Variants in SPIDR observed in about 807,000 individuals in gnomAD.
SPIDR encodes the protein scaffold protein involved in DNA repair.
In SPIDR, 93 loss-of-function variants were observed where a neutral mutation model predicts 104.6. That is an observed-to-expected ratio of 0.89 (90% CI 0.75 to 1.06). The LOEUF (loss-of-function observed/expected upper bound fraction) is 1.06. Among genes scored for constraint, SPIDR ranks in the 50% least tolerant of loss-of-function variants. The probability of loss-of-function intolerance (pLI) is 0.00; values close to 1 mark genes in which losing one functional copy is unlikely to be tolerated. For synonymous variants in SPIDR, 431 were observed against 416.9 expected, an observed-to-expected ratio of 1.03 and a Z score of -0.41; for missense variants, 1,154 against 1,111.2, an observed-to-expected ratio of 1.04 and a Z score of -0.55.
intron 7 of SPIDR, among the ~76,000 whole-genome samples, chr8:47,427,510 C>T (rs1012975990): frequency 1.3e-4 from 20 of 152,050 alleles, no homozygotes; most frequent in African/African-American, 4.1e-4. Flanking sequence ...GGTAGTTTTC[C>T]AGAATGAGGA....
intron 8 of SPIDR, among the ~76,000 whole-genome samples, chr8:47,448,121 A>G (rs1427417443): frequency 6.6e-6 from 1 of 152,132 alleles, no homozygotes; most frequent in Non-Finnish European, 1.5e-5. Flanking sequence ...TTCTTTTTAT[A>G]GTTATATCAC....
chr8:47,516,716 T>C (rs1223921175), intron 8 of SPIDR, among the ~76,000 whole-genome samples: 3 of 152,250 alleles, frequency 2.0e-5, no homozygotes, highest in Non-Finnish European at 4.4e-5. Flanking sequence ...TCTTGACTAC[T>C]GTGTGAATAA....
chr8:47,724,717 G>A (rs1207968288), intron 16 of SPIDR, among the ~76,000 whole-genome samples: 1 of 152,202 alleles, frequency 6.6e-6, no homozygotes, highest in East Asian at 1.9e-4. Flanking sequence ...GCATGGAGCA[G>A]TCACTCACTG....
chr8:47,423,071 C>T lies in SPIDR; in HGVS notation c.877+15110C>T, dbSNP rs146979643. ...TTATAATCCCAGCAATTTGGGAAGCCGAAGTGGGTGGATCACAAGGTCAGG... is the reference window on the plus strand; with the variant it reads ...TTATAATCCCAGCAATTTGGGAAGCTGAAGTGGGTGGATCACAAGGTCAGG... On this transcript the variant is annotated intron_variant, in intron 7 of 19. Coordinates refer to ENST00000297423, the MANE Select transcript of SPIDR (RefSeq NM_001080394.4). Among the ~76,000 whole-genome samples the T allele has an allele frequency of 1.1e-3, 160 of 151,988 alleles. 1 individual carries two copies. Among genetic ancestry groups the T allele is most frequent in the African/African-American group, 2.1e-3 (89 of 41,430 alleles).
chr8:47,516,580 A>G (rs1426291224), intron 8 of SPIDR, among the ~76,000 whole-genome samples: 4 of 152,210 alleles, frequency 2.6e-5, no homozygotes, highest in African/African-American at 9.6e-5. Flanking sequence ...TTCAAAGTTC[A>G]TCCACGTTAT....
intron 10 of SPIDR, among the ~76,000 whole-genome samples, chr8:47,654,310 G>A (rs373396044): frequency 1.3e-5 from 2 of 152,216 alleles, no homozygotes; most frequent in East Asian, 3.8e-4. Flanking sequence ...AGGCAAGACC[G>A]TGACAATGGG....
intron 10 of SPIDR, among the ~76,000 whole-genome samples, chr8:47,612,728 T>C (rs546910447): frequency 6.6e-6 from 1 of 152,360 alleles, no homozygotes; most frequent in South Asian, 2.1e-4. Context: ...TTTTAGGCCT[T>C]GTGGCAACTA....
chr8:47,335,453 T>G (rs1157119207), intron 5 of SPIDR, among the ~76,000 whole-genome samples: 2 of 152,132 alleles, frequency 1.3e-5, no homozygotes, highest in Non-Finnish European at 2.9e-5. Context: ...TGTTTGTTTG[T>G]TTTGGTTTCT....
chr8:47,424,885 C>T (rs1379294758), intron 7 of SPIDR, among the ~76,000 whole-genome samples: 4 of 152,116 alleles, frequency 2.6e-5, no homozygotes, highest in African/African-American at 9.7e-5. Context: ...CGCCTGCCAC[C>T]ACCCCTGGGT....
At chr8:47,673,983 TG>T (rs776800042) in intron 11 of SPIDR, 42 bp downstream of exon 11, 1 of 1,594,610 alleles carries the variant, frequency 6.3e-7, no homozygotes, top group South Asian at 1.1e-5. Flanking sequence ...CTACAATTGT[TG>T]GTTCTTTTTC....
chr8:47,586,442 T>C (rs1270347329), intron 8 of SPIDR, among the ~76,000 whole-genome samples: 1 of 152,238 alleles, frequency 6.6e-6, no homozygotes, highest in Non-Finnish European at 1.5e-5. Flanking sequence ...TTTTAGCCAT[T>C]TTGCCTCACT....
chr8:47,300,528 A>C (rs1422737938), intron 5 of SPIDR, among the ~76,000 whole-genome samples: 4 of 151,896 alleles, frequency 2.6e-5, no homozygotes, highest in Non-Finnish European at 5.9e-5. Context: ...CAGTTCTTTT[A>C]ATTGGGATGT....
chr8:47,319,149 C>T (rs1184771603), intron 5 of SPIDR, among the ~76,000 whole-genome samples: 1 of 152,058 alleles, frequency 6.6e-6, no homozygotes, highest in Non-Finnish European at 1.5e-5. Context: ...CACAGACTGG[C>T]AAATTGGATA....
At chr8:47,613,854 CTTATT>C (rs769978998) in intron 10 of SPIDR, among the ~76,000 whole-genome samples, 9 of 151,958 alleles carry the variant, frequency 5.9e-5, no homozygotes, top group East Asian at 1.9e-4. Flanking sequence ...TAAGAGTTTT[CTTATT>C]TTATTTTATT....
intron 5 of SPIDR, among the ~76,000 whole-genome samples, chr8:47,315,783 T>C (rs1563582834): frequency 6.6e-6 from 1 of 152,162 alleles, no homozygotes; most frequent in Non-Finnish European, 1.5e-5. Context: ...AAATAAAAAG[T>C]GCTGGAACAA....
intron 8 of SPIDR, among the ~76,000 whole-genome samples, chr8:47,557,789 C>T (rs993341214): frequency 2.0e-5 from 3 of 152,164 alleles, no homozygotes; most frequent in Admixed American, 1.3e-4. Context: ...TTGAGATACG[C>T]ACAAGACTTT....
intron 2 of SPIDR, among the ~76,000 whole-genome samples, chr8:47,283,133 G>T (rs1441170835): frequency 6.6e-6 from 1 of 152,240 alleles, no homozygotes; most frequent in African/African-American, 2.4e-5. Flanking sequence ...TGGGATTACA[G>T]GCGTGAGCCA....
chr8:47,528,863 A>G (rs182593819), intron 8 of SPIDR, among the ~76,000 whole-genome samples: 1 of 152,346 alleles, frequency 6.6e-6, no homozygotes, highest in East Asian at 1.9e-4. Context: ...AGGAGAGGAA[A>G]GACAGGAAGT....
intron 8 of SPIDR, among the ~76,000 whole-genome samples, chr8:47,531,862 C>T (rs912069625): frequency 1.3e-5 from 2 of 151,958 alleles, no homozygotes; most frequent in African/African-American, 4.8e-5. Context: ...AAAATTATTA[C>T]ATTAAGAGAA....
Sources: allele counts gnomAD v4.1 joint callset (sites outside exome capture counted in the v4.1 genomes callset), GRCh38; gene constraint gnomAD v4.1.1; transcripts MANE v1.5; gene names NCBI Gene and HGNC (gene_info 2026-07-23, HGNC 2026-07-21).